Variants in EPX observed in about 807,000 individuals in gnomAD.
EPX encodes the protein eosinophil peroxidase.
Under a neutral mutation model 73.0 loss-of-function variants are expected in EPX, and 60 were observed. That is an observed-to-expected ratio of 0.82 (90% CI 0.67 to 1.02). EPX has a LOEUF of 1.02. Among genes scored for constraint, EPX ranks in the 50% least tolerant of loss-of-function variants. The probability of loss-of-function intolerance (pLI) is 0.00; values close to 1 mark genes in which losing one functional copy is unlikely to be tolerated. For missense variants in EPX, 950 were observed against 973.9 expected, an observed-to-expected ratio of 0.98 and a Z score of 0.33; for synonymous variants, 347 against 389.2, an observed-to-expected ratio of 0.89 and a Z score of 1.28.
chr17:58,193,716 G>A lies in EPX; in HGVS notation c.349G>A (p.Val117Met), dbSNP rs1389512452. The A allele has an allele frequency of 3.1e-6, 5 of 1,610,528 alleles. No individual in the cohort carries two copies. The highest frequency in any genetic ancestry group is 1.7e-5 in the Admixed American group (1 of 60,012). The change falls in exon 4 of 13, where the codon GTG becomes ATG. Residue 117 changes from valine to methionine, a missense_variant and splice_region_variant. By Grantham distance (21) the Val-to-Met change is conservative. Transcript: ENST00000225371. The part of the protein sequence containing the change: ...QRSGPFNVTD[V>M]LTEPQLRLLS... ...TCTGCCCATTTGCCTTCCCACAGAT[G>A]TGCTAACAGAACCACAGCTGCGGCT...
At chr17:58,200,169 C>A in intron 9 of EPX, 56 bp from the exon 10 acceptor site, 1 of 1,563,686 alleles carries the variant, frequency 6.4e-7, no homozygotes, top group Non-Finnish European at 8.8e-7. Flanking sequence ...TGTGATAACC[C>A]AAGTAGCTTC....
At chr17:58,202,878 T>C in intron 10 of EPX, 1 of 618,924 alleles carries the variant, frequency 1.6e-6, no homozygotes, top group Non-Finnish European at 2.9e-6. Context: ...TGATGCACAC[T>C]GAGCACAGTT....
rs1968215518 is a variant in EPX at position 58,193,822 on chromosome 17, G to A, written c.455G>A (p.Cys152Tyr). The change falls in exon 4 of 13, where the codon TGC (cysteine) becomes TAC (tyrosine). Residue 152 changes from cysteine (C) to tyrosine (Y), a missense_variant. Physicochemically the swap from Cys to Tyr is radical, Grantham distance 194 (BLOSUM62 -2). Coordinates refer to ENST00000225371, the MANE Select transcript of EPX (RefSeq NM_000502.6). ...AAGTACCGCACCATCACTGGACGGT[G>A]CAACAACAAGTGCGTGCGGGGCGGC... ...SDKYRTITGR[C>Y]NNKRRPLLGA... is the part of the protein sequence containing the mutation. 11 of 1,611,860 alleles carry A rather than the reference G, an allele frequency of 6.8e-6. No homozygotes were observed. Among genetic ancestry groups the A allele is most frequent in the Non-Finnish European group, 2.5e-6 (3 of 1,178,266 alleles).
intron 7 of EPX, 32 bp from the exon 8 acceptor site, chr17:58,199,008 G>C (rs774595958): frequency 1.1e-5 from 17 of 1,610,566 alleles, no homozygotes; most frequent in Non-Finnish European, 1.2e-5. Context: ...TCTGGGAAAG[G>C]CTGCAGTAAA....
Position 58,193,423 on chromosome 17 carries a change from T to G in EPX, c.223T>G (p.Tyr75Asp). 1 of 1,614,140 alleles carries G rather than the reference T, an allele frequency of 6.2e-7. No individual in the cohort carries two copies. The highest frequency in any genetic ancestry group is 8.5e-7 in the Non-Finnish European group (1 of 1,179,990). Residue 75 changes from tyrosine to aspartate, a missense_variant, in exon 3 of 13, where the codon TAC (tyrosine) becomes GAC (aspartate). Coordinates refer to ENST00000225371, the MANE Select transcript of EPX (RefSeq NM_000502.6). ...GSASPMDLLSYFKQPVAATRT... is the reference protein window; with the variant it reads ...GSASPMDLLSDFKQPVAATRT... ...AGCCAGCCCCATGGACCTCCTGTCC[T>G]ACTTCAAACAACCGGTAGCAGCCAC...
intron 3 of EPX, 66 bp from the exon 4 acceptor site, chr17:58,193,648 G>A: frequency 6.4e-7 from 1 of 1,550,566 alleles, no homozygotes; most frequent in Non-Finnish European, 8.9e-7. Context: ...GCTGGGAGGA[G>A]AGAGGGTAAA....
chr17:58,195,546 C>G (rs1423420742), intron 6 of EPX, among the ~76,000 whole-genome samples: 1 of 152,138 alleles, frequency 6.6e-6, no homozygotes, highest in Admixed American at 6.5e-5. Context: ...GCGGCTCTTG[C>G]CAGCTTCTTG....
rs201193602 is a variant in EPX at position 58,199,775 on chromosome 17, C to G, written c.1518C>G (p.Ser506Arg). ...CACTTAGCTCTGCCTTCTTTGCCAG[C>G]TGGCGGATCGTGTATGAAGGTGACC... Reference protein sequence around the residue: ...HVPLSSAFFASWRIVYEGGID... With the variant: ...HVPLSSAFFARWRIVYEGGID... Residue 506 changes from serine to arginine, a missense_variant, in exon 9 of 13, where the codon AGC (serine) becomes AGG (arginine). Coordinates refer to ENST00000225371, the MANE Select transcript of EPX (RefSeq NM_000502.6). 34 of 1,608,536 alleles carry G rather than the reference C, an allele frequency of 2.1e-5. No homozygotes were observed. The East Asian group carries it at 7.4e-4, about 35-fold the overall frequency.
At chr17:58,203,805 G>A (rs1368117544) in intron 11 of EPX, among the ~76,000 whole-genome samples, 1 of 149,216 alleles carries the variant, frequency 6.7e-6, no homozygotes, top group Non-Finnish European at 1.5e-5. Context: ...AGTGGCGGGC[G>A]CCTGTAGTCC....
intron 7 of EPX, among the ~76,000 whole-genome samples, chr17:58,197,486 C>T (rs36098226): frequency 0.011 from 1,672 of 152,298 alleles, 44 homozygotes; most frequent in African/African-American, 0.038. Flanking sequence ...AGTGACAAGG[C>T]TCTCACCGCC....
Position 58,193,387 on chromosome 17 carries a change from C to T in EPX, c.187C>T (p.Arg63Cys), listed in dbSNP as rs1167190958. ...WTQKSIKQRL[R>C]SGSASPMDLL... ...CCTGGGCAGCATCAAGCAGCGGCTT[C>T]GCAGCGGTTCAGCCAGCCCCATGGA... is the stretch of plus-strand genomic sequence containing the variant. The change falls in exon 3 of 13, where the codon CGC (arginine) becomes TGC (cysteine). Residue 63 changes from arginine (R) to cysteine (C), a missense_variant. Transcript: ENST00000225371. 12 of 1,614,100 alleles carry T rather than the reference C, an allele frequency of 7.4e-6. No homozygotes were observed. Among genetic ancestry groups the T allele is most frequent in the African/African-American group, 1.3e-5 (1 of 74,934 alleles).
chr17:58,202,783 G>A (rs1309087786), intron 10 of EPX: 2 of 432,854 alleles, frequency 4.6e-6, no homozygotes, highest in East Asian at 9.5e-5. Context: ...ATGCAGTCGA[G>A]CCCAGTAATA....
intron 10 of EPX, chr17:58,202,869 G>A (rs1481592516): frequency 1.6e-6 from 1 of 607,304 alleles, no homozygotes; most frequent in African/African-American, 1.8e-5. Flanking sequence ...TCCTCAGTCT[G>A]ATGCACACTG....
chr17:58,196,792 G>A, intron 6 of EPX, 147 bp from the exon 7 acceptor site: 1 of 694,546 alleles, frequency 1.4e-6, no homozygotes. Context: ...AGACTGACGG[G>A]GTGAGCAGCA....
rs759432366 is a variant in EPX, at chr17:58,197,038, C to A, written c.901C>A (p.Gln301Lys). ...CPQNKNRVRN[Q>K]INALTSFVDA... The stretch of plus-strand genomic sequence containing the variant: ...CCAAAACAAGAACAGAGTCCGCAAC[C>A]AGATCAACGCGCTCACCTCCTTTGT... Residue 301 changes from glutamine to lysine, a missense_variant, in exon 7 of 13, where the codon CAG (glutamine) becomes AAG (lysine). Gln to Lys is a moderately conservative substitution (Grantham distance 53, BLOSUM62 1). Transcript: ENST00000225371. The A allele has an allele frequency of 3.7e-6, 6 of 1,614,164 alleles. No homozygotes were observed. The highest frequency in any genetic ancestry group is 5.1e-6 in the Non-Finnish European group (6 of 1,180,026).
chr17:58,194,166 C>T (rs1294103310), intron 5 of EPX, 74 bp downstream of exon 5: 54 of 1,503,606 alleles, frequency 3.6e-5, no homozygotes, highest in Non-Finnish European at 3.6e-5. Flanking sequence ...CCCAGAGTCA[C>T]GCAGGCAGGG....
intron 10 of EPX, 78 bp downstream of exon 10, chr17:58,200,473 C>A: frequency 7.0e-7 from 1 of 1,426,472 alleles, no homozygotes; most frequent in Non-Finnish European, 9.8e-7. Flanking sequence ...ACCCTGGTAC[C>A]TCCTTTCTGA....
intron 9 of EPX, 44 bp downstream of exon 9, chr17:58,199,838 G>T: frequency 6.3e-7 from 1 of 1,598,248 alleles, no homozygotes; most frequent in African/African-American, 1.3e-5. Context: ...AGGGTGGGGA[G>T]CATGCCCTCC....
chr17:58,199,502 A>G, intron 8 of EPX, 37 bp from the exon 9 acceptor site: 1 of 1,612,938 alleles, frequency 6.2e-7, no homozygotes, highest in Non-Finnish European at 8.5e-7. Context: ...ATGGGTGAGT[A>G]GCCTCTGGGG....
Sources: gnomAD v4.1 joint callset for allele counts (sites outside exome capture counted in the v4.1 genomes callset) on GRCh38, gnomAD v4.1.1 for gene constraint, MANE v1.5 for transcripts, NCBI Gene and HGNC (gene_info 2026-07-23, HGNC 2026-07-21) for gene names.